XKR9: variants seen among roughly 807,000 people sequenced by gnomAD.
The protein encoded by XKR9 is XK-related protein 9.
In XKR9, 32 loss-of-function variants were observed where a neutral mutation model predicts 32.0. The observed-to-expected ratio is 1.00, with a 90% confidence interval of 0.76 to 1.34. The LOEUF (loss-of-function observed/expected upper bound fraction) is 1.34. Among genes scored for constraint, XKR9 ranks in the 40% most tolerant of loss-of-function variants. The pLI, the probability that XKR9 is intolerant of heterozygous loss-of-function variation, is 0.00. For missense variants in XKR9, 546 were observed against 429.7 expected, an observed-to-expected ratio of 1.27 and a Z score of -2.39; for synonymous variants, 168 against 143.4, an observed-to-expected ratio of 1.17 and a Z score of -1.22.
intron 2 of XKR9, among the ~76,000 whole-genome samples, chr8:70,675,345 C>G (rs577447047): frequency 2.6e-5 from 4 of 152,102 alleles, no homozygotes; most frequent in Admixed American, 1.3e-4. Context: ...AAGAATCACT[C>G]GAACCCACTG....
chr8:70,689,761 A>G (rs1274253084), intron 3 of XKR9, among the ~76,000 whole-genome samples: 2 of 152,118 alleles, frequency 1.3e-5, no homozygotes, highest in Admixed American at 6.5e-5. Context: ...GTGAAGAGAC[A>G]AGGTACAGAC....
intron 3 of XKR9, among the ~76,000 whole-genome samples, chr8:70,687,376 T>TTTCTTTCTCTCTTTC (rs1563422894): frequency 1.5e-5 from 2 of 130,798 alleles, no homozygotes; most frequent in African/African-American, 5.9e-5. Flanking sequence ...CCTTTCTTTC[T>TTTCTTTCTCTCTTTC]CTTTCTTTCT....
intron 4 of XKR9, among the ~76,000 whole-genome samples, chr8:70,723,306 G>C (rs1005600550): frequency 6.6e-6 from 1 of 152,032 alleles, no homozygotes; most frequent in African/African-American, 2.4e-5. Flanking sequence ...CTGTCAATTC[G>C]TCAAACTCAT....
chr8:71,032,995 A>C, the XKR9 span, among the ~76,000 whole-genome samples: 1 of 152,020 alleles, frequency 6.6e-6, no homozygotes, highest in Non-Finnish European at 1.5e-5. Context: ...GAGGCAGGAG[A>C]ATCGCTTGAA....
chr8:70,747,477 ACC>A (rs1807075401), intron 2 of XKR9, among the ~76,000 whole-genome samples: 1 of 152,170 alleles, frequency 6.6e-6, no homozygotes, highest in Admixed American at 6.5e-5. Context: ...TAGAAGAGAG[ACC>A]TGAGCTAGCA....
At chr8:70,802,010 C>A in the XKR9 span, among the ~76,000 whole-genome samples, 8 of 150,724 alleles carry the variant, frequency 5.3e-5, no homozygotes, top group Admixed American at 5.3e-4. Context: ...GATCTTGGCT[C>A]ACTGCAAGCT....
At chr8:71,032,999 G>T in the XKR9 span, among the ~76,000 whole-genome samples, 4 of 151,826 alleles carry the variant, frequency 2.6e-5, no homozygotes, top group African/African-American at 9.7e-5. Flanking sequence ...CAGGAGAATC[G>T]CTTGAACCCG....
At chr8:70,992,122 C>T in the XKR9 span, among the ~76,000 whole-genome samples, 1 of 152,182 alleles carries the variant, frequency 6.6e-6, no homozygotes, top group East Asian at 1.9e-4. Context: ...ATGTACCCTG[C>T]AAACTGCCTG....
At chr8:70,990,769 AAG>A in the XKR9 span, among the ~76,000 whole-genome samples, 4 of 103,978 alleles carry the variant, frequency 3.8e-5, no homozygotes, top group Admixed American at 2.0e-4. Context: ...GAGAGAGAGA[AAG>A]AGAGAGAGAG....
At chr8:70,827,622 T>C in the XKR9 span, among the ~76,000 whole-genome samples, 1 of 152,192 alleles carries the variant, frequency 6.6e-6, no homozygotes, top group Admixed American at 6.5e-5. Flanking sequence ...CAGTCACAGA[T>C]ACTCCCTTTA....
At chr8:70,985,921 A>G in the XKR9 span, among the ~76,000 whole-genome samples, 4 of 152,172 alleles carry the variant, frequency 2.6e-5, no homozygotes, top group Admixed American at 2.6e-4. Context: ...TGTTTAACTC[A>G]TATTAATTTT....
At chr8:70,909,009 TA>T in the XKR9 span, among the ~76,000 whole-genome samples, 13 of 152,358 alleles carry the variant, frequency 8.5e-5, no homozygotes, top group East Asian at 1.9e-4. Context: ...ATTTATTGAA[TA>T]TTTTTTTATT....
chr8:70,717,459 G>T (rs1806129650), intron 4 of XKR9, among the ~76,000 whole-genome samples: 1 of 152,154 alleles, frequency 6.6e-6, no homozygotes, highest in Non-Finnish European at 1.5e-5. Flanking sequence ...GCTTCTGCAG[G>T]CCCAGTACCA....
At chr8:71,057,428 C>A in the XKR9 span, among the ~76,000 whole-genome samples, 1 of 152,132 alleles carries the variant, frequency 6.6e-6, no homozygotes, top group Non-Finnish European at 1.5e-5. Context: ...GGCTGTCTCC[C>A]AAATTCAATC....
downstream of XKR9, among the ~76,000 whole-genome samples, chr8:70,740,619 G>T (rs1806955719): frequency 6.6e-6 from 1 of 151,938 alleles, no homozygotes; most frequent in African/African-American, 2.4e-5. Flanking sequence ...GGTCTTTGAT[G>T]ATGGTGATGT....
the XKR9 span, among the ~76,000 whole-genome samples, chr8:70,976,370 T>A: frequency 1.3e-5 from 2 of 152,106 alleles, no homozygotes; most frequent in African/African-American, 4.8e-5. Flanking sequence ...GGTTTGCTCT[T>A]ATTATTTTGA....
chr8:70,808,931 A>G, the XKR9 span, among the ~76,000 whole-genome samples: 4 of 152,236 alleles, frequency 2.6e-5, no homozygotes, highest in Non-Finnish European at 5.9e-5. Context: ...CCTGTCTGAC[A>G]GCTTTGAAGA....
downstream of XKR9, among the ~76,000 whole-genome samples, chr8:70,736,475 G>C (rs1478680053): frequency 2.0e-5 from 3 of 152,132 alleles, no homozygotes; most frequent in East Asian, 1.9e-4. Context: ...ATTTTAATTA[G>C]ATCCCATTTG....
At chr8:70,960,335 T>C in the XKR9 span, among the ~76,000 whole-genome samples, 528 of 152,246 alleles carry the variant, frequency 3.5e-3, 4 homozygotes, top group African/African-American at 0.012. Flanking sequence ...CTTCTACAAA[T>C]AGCACCCAGA....
Sources: allele counts gnomAD v4.1 joint callset (sites outside exome capture counted in the v4.1 genomes callset), GRCh38; gene constraint gnomAD v4.1.1; transcripts MANE v1.5; gene names NCBI Gene and HGNC (gene_info 2026-07-23, HGNC 2026-07-21).